Variants in BACH2 observed in about 807,000 individuals in gnomAD.
BACH2 encodes BACH transcriptional regulator 2.
Under a neutral mutation model 61.8 loss-of-function variants are expected in BACH2, and 5 were observed. The ratio of observed to expected loss-of-function variants is 0.08; its 90% CI spans 0.04 to 0.17. The LOEUF (loss-of-function observed/expected upper bound fraction) is 0.17. Ranked by LOEUF, BACH2 falls within the 10% of genes least tolerant of loss-of-function variation. BACH2 has a pLI of 1.00. For synonymous variants in BACH2, 446 were observed against 440.1 expected (o/e 1.01, Z -0.17); for missense variants, 824 against 1,091.1 (o/e 0.76, Z 3.45).
intron 4 of BACH2, chr6:90,116,703 G>T: frequency 2.7e-6 from 1 of 375,792 alleles, no homozygotes; most frequent in South Asian, 3.8e-5. Flanking sequence ...TACCATATGG[G>T]GAAGACCAGG....
intron 1 of BACH2, among the ~76,000 whole-genome samples, chr6:90,295,765 G>T (rs148376224): frequency 1.3e-5 from 2 of 152,156 alleles, no homozygotes; most frequent in Non-Finnish European, 2.9e-5. Flanking sequence ...TTAGGTCTTA[G>T]CTACGCGGGA....
intron 3 of BACH2, among the ~76,000 whole-genome samples, chr6:90,218,956 TGACACA>T (rs1769642142): frequency 6.7e-6 from 1 of 149,406 alleles, no homozygotes; most frequent in African/African-American, 2.5e-5. Flanking sequence ...TGTGTGTGTG[TGACACA>T]GAGAGTGAGA....
At chr6:90,059,786 T>A (rs1212004300) in intron 5 of BACH2, among the ~76,000 whole-genome samples, 1 of 151,968 alleles carries the variant, frequency 6.6e-6, no homozygotes, top group Non-Finnish European at 1.5e-5. Context: ...CATGGAATAC[T>A]ATGCAGCCAT....
chr6:90,152,028 CATTTT>C (rs1784828487), intron 4 of BACH2, among the ~76,000 whole-genome samples: 1 of 152,204 alleles, frequency 6.6e-6, no homozygotes, highest in Admixed American at 6.5e-5. Flanking sequence ...CTATTAATGG[CATTTT>C]AGCAAGAACA....
intron 4 of BACH2, among the ~76,000 whole-genome samples, chr6:90,091,452 A>G (rs1582343197): frequency 1.3e-5 from 2 of 152,130 alleles, no homozygotes; most frequent in East Asian, 3.9e-4. Flanking sequence ...ATTCTTCCCA[A>G]ATGTGGCTAC....
At chr6:90,286,892 A>G (rs1162587529) in intron 1 of BACH2, among the ~76,000 whole-genome samples, 2 of 152,222 alleles carry the variant, frequency 1.3e-5, no homozygotes, top group Non-Finnish European at 2.9e-5. Context: ...TACTAGAGAG[A>G]GGGAAACAAA....
chr6:90,070,572 T>G (rs1000171629), intron 5 of BACH2, among the ~76,000 whole-genome samples: 1 of 152,172 alleles, frequency 6.6e-6, no homozygotes, highest in Non-Finnish European at 1.5e-5. Context: ...TTTAAAATCT[T>G]AGGGCTATCT....
intron 3 of BACH2, among the ~76,000 whole-genome samples, chr6:90,251,527 G>C (rs570744435): frequency 3.1e-5 from 3 of 96,368 alleles, no homozygotes; most frequent in Non-Finnish European, 9.3e-5. Flanking sequence ...CCCAGCACCT[G>C]CTTGACACAT....
chr6:90,134,531 T>C (rs964350907), intron 4 of BACH2, among the ~76,000 whole-genome samples: 1 of 152,106 alleles, frequency 6.6e-6, no homozygotes, highest in Non-Finnish European at 1.5e-5. Context: ...GCTGGAATCA[T>C]GGGATGTATA....
chr6:90,232,733 A>C (rs920548522), intron 3 of BACH2, among the ~76,000 whole-genome samples: 1 of 152,164 alleles, frequency 6.6e-6, no homozygotes, highest in Non-Finnish European at 1.5e-5. Context: ...GAGAACTTTT[A>C]AGTTTTGAAA....
chr6:90,276,372 A>C (rs906692099), intron 1 of BACH2, among the ~76,000 whole-genome samples: 1 of 152,204 alleles, frequency 6.6e-6, no homozygotes, highest in Non-Finnish European at 1.5e-5. Context: ...TAGTCTGCTT[A>C]AGATCAACAA....
intron 4 of BACH2, among the ~76,000 whole-genome samples, chr6:90,150,892 G>A (rs1784790530): frequency 6.6e-6 from 1 of 152,348 alleles, no homozygotes; most frequent in South Asian, 2.1e-4. Flanking sequence ...AGTCAGCGGT[G>A]TTGCCTAAAG....
At chr6:89,983,590 A>ACTT (rs1776074695) in intron 6 of BACH2, among the ~76,000 whole-genome samples, 1 of 152,080 alleles carries the variant, frequency 6.6e-6, no homozygotes, top group Non-Finnish European at 1.5e-5. Context: ...AATCACTTGA[A>ACTT]CCCAGGAGGC....
At chr6:90,044,181 A>G (rs1357257928) in intron 5 of BACH2, among the ~76,000 whole-genome samples, 11 of 152,224 alleles carry the variant, frequency 7.2e-5, no homozygotes, top group Admixed American at 7.2e-4. Flanking sequence ...TAGAGGAAAA[A>G]AATAAGGCAG....
At chr6:90,257,689 A>C (rs1488180930) in intron 2 of BACH2, among the ~76,000 whole-genome samples, 1 of 152,176 alleles carries the variant, frequency 6.6e-6, no homozygotes, top group East Asian at 1.9e-4. Context: ...TACTGATTGG[A>C]ATTTTTTCCC....
chr6:90,218,908 C>T (rs932067657), intron 3 of BACH2, among the ~76,000 whole-genome samples: 2 of 147,468 alleles, frequency 1.4e-5, no homozygotes, highest in Admixed American at 6.8e-5. Flanking sequence ...CTGTGAATTT[C>T]GGTTTCCTTT....
At chr6:90,101,851 CAGTGTTCA>C (rs573219328) in intron 4 of BACH2, among the ~76,000 whole-genome samples, 105 of 152,210 alleles carry the variant, frequency 6.9e-4, no homozygotes, top group African/African-American at 2.4e-3. Context: ...CTGTAATTTT[CAGTGTTCA>C]AGTCTTGCAC....
In BACH2 at chr6:90,188,685, C is replaced by T. The variant is rs984941642; in HGVS notation, c.-162+17884G>A. ...ATATTTTATACTTACTTTTTCTGCT[C>T]CTACTGAAAAACTGGACATCTTAAT... On this transcript the variant is annotated intron_variant, in intron 4 of 8. Coordinates refer to ENST00000257749, the MANE Select transcript of BACH2 (RefSeq NM_021813.4). 2.7e-5 allele frequency among the ~76,000 whole-genome samples: 4 copies of T among 149,022 alleles called. No homozygotes were observed. The Admixed American group carries it at 2.7e-4, about 10-fold the overall frequency.
At chr6:90,099,579 A>C (rs573933291) in intron 4 of BACH2, among the ~76,000 whole-genome samples, 8 of 152,258 alleles carry the variant, frequency 5.3e-5, no homozygotes, top group African/African-American at 1.9e-4. Flanking sequence ...GAAGACTAAG[A>C]GAGCTGATAT....
Sources: gnomAD v4.1 joint callset for allele counts (sites outside exome capture counted in the v4.1 genomes callset) on GRCh38, gnomAD v4.1.1 for gene constraint, MANE v1.5 for transcripts, NCBI Gene and HGNC (gene_info 2026-07-23, HGNC 2026-07-21) for gene names.